The following TPTE2 variants were observed in gnomAD, a reference collection of about 807,000 sequenced individuals.
TPTE2 encodes phosphatidylinositol 3,4,5-trisphosphate 3-phosphatase TPTE2.
A neutral mutation model predicts 78.6 loss-of-function variants in TPTE2; 53 were observed. The observed-to-expected ratio is 0.67, with a 90% confidence interval of 0.54 to 0.85. TPTE2 has a LOEUF of 0.85. Ranked by LOEUF, TPTE2 falls within the 40% of genes least tolerant of loss-of-function variation. TPTE2 has a pLI of 0.00. For missense variants in TPTE2, 461 were observed against 623.0 expected (o/e 0.74, Z 2.77); for synonymous variants, 175 against 206.2 (o/e 0.85, Z 1.30).
At position 19,430,811 on chromosome 13, in the gene TPTE2, T is replaced by A. The variant is rs144528459; in HGVS notation, c.1223-264A>T. On this transcript the variant is annotated intron_variant, in intron 16 of 19. Coordinates refer to ENST00000400230, the Ensembl canonical transcript of TPTE2. ...CTTCCAAGACTTAGAATCCCATCACTTTATCTTTCCAGAAAAAATATTTAG... is the reference window on the plus strand; with the variant it reads ...CTTCCAAGACTTAGAATCCCATCACATTATCTTTCCAGAAAAAATATTTAG... Among the ~76,000 whole-genome samples the A allele has an allele frequency of 2.8e-3, 420 of 152,242 alleles. 9 individuals carry two copies. The South Asian group carries it at 0.044, about 16-fold the overall frequency.
At chr13:19,554,146 C>T in the TPTE2 span, among the ~76,000 whole-genome samples, 1 of 151,862 alleles carries the variant, frequency 6.6e-6, no homozygotes, top group African/African-American at 2.4e-5. Flanking sequence ...GAGGCTGAGG[C>T]GGGGGGATCA....
chr13:19,462,910 TTGA>T (rs1182707937), intron 10 of TPTE2, among the ~76,000 whole-genome samples: 2 of 151,952 alleles, frequency 1.3e-5, no homozygotes, highest in African/African-American at 4.8e-5. Context: ...CCTTTTTGGG[TTGA>T]ATCTATTTGA....
intron 6 of TPTE2, among the ~76,000 whole-genome samples, chr13:19,469,442 TG>T (rs1879476532): frequency 1.3e-5 from 2 of 152,228 alleles, no homozygotes; most frequent in African/African-American, 4.8e-5. Flanking sequence ...TAGTATAATT[TG>T]AAGTCAGGTA....
At chr13:19,473,822 C>A in intron 6 of TPTE2, 92 bp downstream of exon 9, 1 of 1,168,038 alleles carries the variant, frequency 8.6e-7, no homozygotes, top group Non-Finnish European at 1.2e-6. Context: ...TGTCGAACTC[C>A]TGACCTTGGG....
At chr13:19,511,013 C>T (rs1869396552) in intron 1 of TPTE2, among the ~76,000 whole-genome samples, 1 of 152,194 alleles carries the variant, frequency 6.6e-6, no homozygotes, top group African/African-American at 2.4e-5. Context: ...TCATGCATTA[C>T]TGATGAGATG....
intron 6 of TPTE2, among the ~76,000 whole-genome samples, chr13:19,470,834 T>C (rs1319778505): frequency 6.6e-6 from 1 of 152,088 alleles, no homozygotes; most frequent in Non-Finnish European, 1.5e-5. Flanking sequence ...CCTACCTGTG[T>C]CTTTATGGGA....
intron 1 of TPTE2, among the ~76,000 whole-genome samples, chr13:19,494,465 C>G (rs185289015): frequency 6.6e-6 from 1 of 152,024 alleles, no homozygotes; most frequent in Non-Finnish European, 1.5e-5. Flanking sequence ...TGGAATGCAG[C>G]GGCATGTTCT....
At chr13:19,516,753 C>G (rs948025967) in intron 1 of TPTE2, among the ~76,000 whole-genome samples, 8 of 152,170 alleles carry the variant, frequency 5.3e-5, no homozygotes, top group Non-Finnish European at 7.3e-5. Flanking sequence ...CCAGCCGCCC[C>G]TGTAGGAAAG....
At chr13:19,460,106 T>C (rs1187013771) in intron 10 of TPTE2, among the ~76,000 whole-genome samples, 1 of 152,200 alleles carries the variant, frequency 6.6e-6, no homozygotes, top group Non-Finnish European at 1.5e-5. Context: ...CTACAGTGTG[T>C]AAAACTCCTG....
At chr13:19,504,811 TCC>T (rs1868885832), upstream of TPTE2, among the ~76,000 whole-genome samples, 1 of 152,072 alleles carries the variant, frequency 6.6e-6, no homozygotes, top group Non-Finnish European at 1.5e-5. Flanking sequence ...ATAATCTTCA[TCC>T]CTCTTTCTGT....
chr13:19,459,252 CT>C lies in TPTE2; in HGVS notation c.741+5203del, dbSNP rs1386972977. 3.3e-5 allele frequency among the ~76,000 whole-genome samples: 5 copies of C among 152,258 alleles called. No individual in the cohort carries two copies. The East Asian group carries it at 9.7e-4, about 29-fold the overall frequency. ...AGTGTCTGTTCAGATCCTTTGCCCA[CT>C]TTTTAATGGGGCTGTTTTTTTCTTG... On this transcript the variant is annotated intron_variant, in intron 10 of 19. Transcript: ENST00000400230.
chr13:19,530,032 T>C (rs1870768429), intron 1 of TPTE2, among the ~76,000 whole-genome samples: 1 of 152,216 alleles, frequency 6.6e-6, no homozygotes, highest in Non-Finnish European at 1.5e-5. Flanking sequence ...GGTCATCTTG[T>C]CAGCACATCT....
At chr13:19,465,024 G>A (rs1191763323) in intron 9 of TPTE2, among the ~76,000 whole-genome samples, 4 of 152,226 alleles carry the variant, frequency 2.6e-5, no homozygotes, top group Non-Finnish European at 5.9e-5. Context: ...AATGGAGTCA[G>A]CTGAAAATCC....
the TPTE2 span, chr13:19,561,015 A>G: frequency 0.02 from 31,642 of 1,576,924 alleles, 449 homozygotes; most frequent in Middle Eastern, 0.052. Context: ...ACGTCCCCAC[A>G]GACCAGGCAG....
intron 1 of TPTE2, among the ~76,000 whole-genome samples, 183 bp downstream of exon 4, chr13:19,503,041 G>T (rs991911254): frequency 6.6e-6 from 1 of 152,146 alleles, no homozygotes. Flanking sequence ...ACAAATGTCC[G>T]TCCATCTGTC....
intron 1 of TPTE2, among the ~76,000 whole-genome samples, chr13:19,496,430 C>T (rs1276062944): frequency 6.6e-6 from 1 of 152,182 alleles, no homozygotes; most frequent in African/African-American, 2.4e-5. Context: ...CTCCTAATCC[C>T]AACTATGGCC....
At chr13:19,514,770 T>C (rs186906884) in intron 1 of TPTE2, among the ~76,000 whole-genome samples, 12 of 152,334 alleles carry the variant, frequency 7.9e-5, no homozygotes, top group African/African-American at 2.9e-4. Context: ...ATAGCCTTAA[T>C]TATGTTTAAA....
the TPTE2 span, among the ~76,000 whole-genome samples, chr13:19,550,753 T>C: frequency 1.3e-5 from 2 of 152,146 alleles, no homozygotes; most frequent in African/African-American, 4.8e-5. Context: ...GTCACATTAT[T>C]ATACCTCAAT....
At chr13:19,485,391 T>C (rs1880606485) in intron 3 of TPTE2, among the ~76,000 whole-genome samples, 1 of 152,150 alleles carries the variant, frequency 6.6e-6, no homozygotes, top group Non-Finnish European at 1.5e-5. Flanking sequence ...CATTCTCTTC[T>C]AGCCTAAGGT....
Sources: allele counts gnomAD v4.1 joint callset (sites outside exome capture counted in the v4.1 genomes callset), GRCh38; gene constraint gnomAD v4.1.1; transcripts MANE v1.5; gene names NCBI Gene and HGNC (gene_info 2026-07-23, HGNC 2026-07-21).